Variants in DMD observed in about 807,000 individuals in gnomAD.
DMD encodes mutant dystrophin.
Under a neutral mutation model 330.1 loss-of-function variants are expected in DMD, and 63 were observed. That is an observed-to-expected ratio of 0.19 (90% CI 0.16 to 0.24). DMD has a LOEUF of 0.24. DMD is among the 10% of genes least tolerant of loss of function. The pLI, the probability that DMD is intolerant of heterozygous loss-of-function variation, is 1.00. For missense variants in DMD, 3,344 were observed against 2,684.1 expected (o/e 1.25, Z -5.43); for synonymous variants, 1,223 against 959.8 (o/e 1.27, Z -5.07).
At chrX:31,908,108 C>G (rs2094499791) in intron 47 of DMD, among the ~76,000 whole-genome samples, 1 of 112,170 alleles carries the variant, frequency 8.9e-6, no homozygotes, top group Non-Finnish European at 1.9e-5. Flanking sequence ...CACTTTCACA[C>G]CGTTGGTGGG....
intron 2 of DMD, among the ~76,000 whole-genome samples, chrX:32,899,153 C>T (rs937655067): frequency 8.9e-6 from 1 of 111,939 alleles, no homozygotes; most frequent in Admixed American, 9.5e-5. Flanking sequence ...TAGCAGTTGC[C>T]CATTTTAGAC....
At chrX:31,387,762 C>T (rs2060512374) in intron 60 of DMD, among the ~76,000 whole-genome samples, 1 of 110,778 alleles carries the variant, frequency 9.0e-6, no homozygotes, top group Non-Finnish European at 1.9e-5. Flanking sequence ...ATGTGTTGCC[C>T]TGTTTGGGAC....
At chrX:31,400,497 T>C (rs1247933243) in intron 60 of DMD, among the ~76,000 whole-genome samples, 2 of 111,522 alleles carry the variant, frequency 1.8e-5, no homozygotes, top group Non-Finnish European at 3.8e-5. Flanking sequence ...TGGGTGCATA[T>C]TCTCAACCTT....
intron 54 of DMD, among the ~76,000 whole-genome samples, chrX:31,649,790 TAAGTGTAC>T (rs2080338288): frequency 9.0e-6 from 1 of 111,027 alleles, no homozygotes; most frequent in Non-Finnish European, 1.9e-5. Flanking sequence ...TTCATACTGC[TAAGTGTAC>T]CTAAAGGAGT....
At chrX:32,214,711 G>C (rs2097106246) in intron 44 of DMD, among the ~76,000 whole-genome samples, 1 of 111,776 alleles carries the variant, frequency 8.9e-6, no homozygotes, top group Admixed American at 9.6e-5. Flanking sequence ...ATAAAAGGAA[G>C]ATTCTCAAAA....
intron 1 of DMD, among the ~76,000 whole-genome samples, chrX:33,279,959 G>GATATCTAT (rs2053300009): frequency 9.0e-6 from 1 of 110,596 alleles, no homozygotes; most frequent in Non-Finnish European, 1.9e-5. Context: ...ACTAGTTCTT[G>GATATCTAT]ATATCTAGAT....
chrX:31,927,222 T>C (rs1265878702), intron 47 of DMD, among the ~76,000 whole-genome samples: 1 of 112,062 alleles, frequency 8.9e-6, no homozygotes, highest in Non-Finnish European at 1.9e-5. Flanking sequence ...AAAATTATAA[T>C]TTTGGCATAG....
At chrX:32,815,932 G>T (rs1260829312) in intron 6 of DMD, among the ~76,000 whole-genome samples, 1 of 111,224 alleles carries the variant, frequency 9.0e-6, no homozygotes, top group Non-Finnish European at 1.9e-5. Context: ...AATGCTCTGA[G>T]CATCTTATGA....
At chrX:33,043,648 AACTGTCTTT>A (rs2094335776) in intron 1 of DMD, among the ~76,000 whole-genome samples, 1 of 112,009 alleles carries the variant, frequency 8.9e-6, no homozygotes, top group Admixed American at 9.5e-5. Flanking sequence ...GACAAAACCA[AACTGTCTTT>A]ACTTTTAGAT....
At chrX:31,618,597 C>T (rs1783233748) in intron 55 of DMD, among the ~76,000 whole-genome samples, 1 of 111,737 alleles carries the variant, frequency 8.9e-6, no homozygotes, top group African/African-American at 3.3e-5. Context: ...CCCTGTAATG[C>T]TGAGTCAATG....
At chrX:33,120,507 G>T (rs1569555688) in intron 1 of DMD, among the ~76,000 whole-genome samples, 1 of 110,970 alleles carries the variant, frequency 9.0e-6, no homozygotes. Context: ...GGTGGGGAAA[G>T]AAATATGCGG....
chrX:31,887,534 A>G (rs1603537696), intron 47 of DMD, among the ~76,000 whole-genome samples: 1 of 111,847 alleles, frequency 8.9e-6, no homozygotes, highest in African/African-American at 3.2e-5. Context: ...CTTTTCCCTC[A>G]ATAAAATATC....
At position 32,464,623 on chromosome X, in the gene DMD, T is replaced by C. The variant is rs886043493; in HGVS notation, c.3239A>G (p.Asp1080Gly). Residue 1080 changes from aspartate (D) to glycine (G), a missense_variant, in exon 24 of 79, where the codon GAT (aspartate) becomes GGT (glycine). By Grantham distance (94) the Asp-to-Gly change is moderately conservative. Coordinates refer to ENST00000357033, the MANE Select transcript of DMD (RefSeq NM_004006.3). ...FLKEEWPALG[D>G]SEILKKQLKQ... ...CAGCTGCTTTTTTAGAATTTCTGAA[T>C]CCCCAAGGGCAGGCCATTCCTCCTT... 6 of 1,208,622 alleles carry C rather than the reference T, an allele frequency of 5.0e-6. No homozygotes were observed. The highest frequency in any genetic ancestry group is 6.7e-6 in the Non-Finnish European group (6 of 894,065).
chrX:32,315,505 A>G (rs1477468602), intron 41 of DMD, among the ~76,000 whole-genome samples: 1 of 106,873 alleles, frequency 9.4e-6, no homozygotes, highest in African/African-American at 3.7e-5. Flanking sequence ...CCCAGAACTT[A>G]AGTATAATTA....
chrX:32,456,948 T>G (rs2098361905), intron 25 of DMD, among the ~76,000 whole-genome samples: 1 of 61,168 alleles, frequency 1.6e-5, no homozygotes. Flanking sequence ...TTAGAAAGGG[T>G]CCAGATTGTT....
intron 1 of DMD, among the ~76,000 whole-genome samples, chrX:33,259,916 T>C (rs1259204916): frequency 9.0e-6 from 1 of 110,919 alleles, no homozygotes; most frequent in Non-Finnish European, 1.9e-5. Context: ...TCAAAGGTCC[T>C]GAATAATATT....
chrX:32,506,787 T>A (rs2044672350), intron 18 of DMD, among the ~76,000 whole-genome samples: 1 of 111,812 alleles, frequency 8.9e-6, no homozygotes, highest in Non-Finnish European at 1.9e-5. Context: ...AACTTCTGAG[T>A]TGTCTTGAAA....
intron 57 of DMD, among the ~76,000 whole-genome samples, chrX:31,486,291 A>C (rs1349838843): frequency 8.9e-6 from 1 of 112,413 alleles, no homozygotes; most frequent in Non-Finnish European, 1.9e-5. Context: ...AGAACACTAG[A>C]GTGTGTTATA....
chrX:32,321,318 A>G (rs956962097), intron 41 of DMD, among the ~76,000 whole-genome samples: 7 of 108,143 alleles, frequency 6.5e-5, no homozygotes, highest in Non-Finnish European at 1.3e-4. Flanking sequence ...CAAATTATGG[A>G]AAAAAAAATT....
Sources: gnomAD v4.1 joint callset for allele counts (sites outside exome capture counted in the v4.1 genomes callset) on GRCh38, gnomAD v4.1.1 for gene constraint, MANE v1.5 for transcripts, NCBI Gene and HGNC (gene_info 2026-07-23, HGNC 2026-07-21) for gene names.